Variants in SLC5A10 observed in about 807,000 individuals in gnomAD.
SLC5A10 encodes solute carrier family 5 member 10, also known as sodium/mannose cotransporter SLC5A10.
In SLC5A10, 55 loss-of-function variants were observed where a neutral mutation model predicts 68.9. The ratio of observed to expected loss-of-function variants is 0.80; its 90% CI spans 0.64 to 1.00. SLC5A10 has a LOEUF of 1.00. Ranked by LOEUF, SLC5A10 falls within the 50% of genes least tolerant of loss-of-function variation. SLC5A10 has a pLI of 0.00. For missense variants in SLC5A10, 732 were observed against 819.3 expected, an observed-to-expected ratio of 0.89 and a Z score of 1.30; for synonymous variants, 344 against 344.8, an observed-to-expected ratio of 1.00 and a Z score of 0.02.
At position 19,022,455 on chromosome 17, in the gene SLC5A10, C is replaced by T. The variant is rs2044279483; in HGVS notation, c.*2024C>T. The T allele has an allele frequency of 3.1e-6, 1 of 320,734 alleles. No homozygotes were observed. The highest frequency in any genetic ancestry group is 4.8e-5 in the East Asian group (1 of 20,740). The allele number at this position is 320,734 out of a possible 1,614,324, so 19.9% of individuals were successfully genotyped here. A position where few individuals can be genotyped will look rare whatever the true frequency, so the allele number is the denominator to read the frequency against. ...CTTAGGGTGGGATTTTGGTTAGGTC[C>T]CTGCTTCTCTTGGGATCTTATTTAC... On this transcript the variant is annotated 3_prime_UTR_variant, in exon 15 of 15. Coordinates refer to ENST00000395645, the MANE Select transcript of SLC5A10 (RefSeq NM_001042450.4).
At chr17:18,973,849 C>T (rs953262734) in intron 8 of SLC5A10, among the ~76,000 whole-genome samples, 1 of 151,158 alleles carries the variant, frequency 6.6e-6, no homozygotes, top group African/African-American at 2.4e-5. Flanking sequence ...AGGCATGTGC[C>T]ACCACACTCG....
chr17:19,011,395 TAC>T (rs2152150904), intron 9 of SLC5A10, among the ~76,000 whole-genome samples: 1 of 152,056 alleles, frequency 6.6e-6, no homozygotes, highest in South Asian at 2.1e-4. Context: ...TGTGAGAAAA[TAC>T]AAGCAGGTCA....
At chr17:18,993,830 G>A (rs1160322493) in intron 9 of SLC5A10, among the ~76,000 whole-genome samples, 1 of 152,218 alleles carries the variant, frequency 6.6e-6, no homozygotes, top group Non-Finnish European at 1.5e-5. Context: ...ATGACCTTGG[G>A]CAAGTACCTT....
intron 9 of SLC5A10, among the ~76,000 whole-genome samples, chr17:19,011,870 C>T (rs1039704703): frequency 2.6e-5 from 4 of 151,422 alleles, no homozygotes; most frequent in Non-Finnish European, 5.9e-5. Flanking sequence ...GTGTGAGACC[C>T]GCCCTTCCCC....
chr17:18,975,917 G>C (rs1039629350), intron 8 of SLC5A10: 6 of 152,076 alleles, frequency 3.9e-5, no homozygotes, highest in South Asian at 2.1e-4. Flanking sequence ...GGCTGGGCAC[G>C]GTGGCTCACG....
intron 5 of SLC5A10, among the ~76,000 whole-genome samples, chr17:18,964,163 G>A (rs1333817671): frequency 6.6e-6 from 1 of 152,074 alleles, no homozygotes; most frequent in African/African-American, 2.4e-5. Context: ...GACTCGGAAC[G>A]CCTGCTGGCT....
chr17:19,012,268 C>A (rs1347273091), intron 9 of SLC5A10, among the ~76,000 whole-genome samples: 1 of 152,224 alleles, frequency 6.6e-6, no homozygotes, highest in Non-Finnish European at 1.5e-5. Context: ...TGAGGAGAGC[C>A]CCACACCTCA....
At chr17:18,964,865 G>T (rs113337373) in intron 5 of SLC5A10, among the ~76,000 whole-genome samples, 1 of 152,184 alleles carries the variant, frequency 6.6e-6, no homozygotes, top group Non-Finnish European at 1.5e-5. Context: ...GAACCTGACC[G>T]GGTGCAGTGG....
intron 9 of SLC5A10, among the ~76,000 whole-genome samples, chr17:18,998,566 C>A (rs1302900736): frequency 1.3e-5 from 2 of 152,230 alleles, no homozygotes; most frequent in Non-Finnish European, 2.9e-5. Flanking sequence ...GGGAAGGAGG[C>A]CAGCCCAGTG....
At position 18,971,877 on chromosome 17, in the gene SLC5A10, A is replaced by T. The variant is rs1484026125; in HGVS notation, c.846+659A>T. 4 of 969,054 alleles carry T rather than the reference A, an allele frequency of 4.1e-6. No homozygotes were observed. In the African/African-American group the frequency reaches 6.6e-5, roughly 16 times the overall value. 60.0% of individuals were successfully genotyped at this position (969,054 alleles called of 1,614,324 possible). ...CTCCTGGCTCTGCCATTCACCAGGGAGTGGGCCTAGACCAGTTGGTTTAGT... is the reference window on the plus strand; with the variant it reads ...CTCCTGGCTCTGCCATTCACCAGGGTGTGGGCCTAGACCAGTTGGTTTAGT... On this transcript the variant is annotated intron_variant, in intron 8 of 14. Coordinates refer to ENST00000395645, the MANE Select transcript of SLC5A10 (RefSeq NM_001042450.4). This position sits in a 1 kb window ranked among gnomAD's most constrained non-coding sequence, Gnocchi z 5.5.
At chr17:18,992,253 CCTCT>C (rs2043445595) in intron 9 of SLC5A10, among the ~76,000 whole-genome samples, 1 of 152,200 alleles carries the variant, frequency 6.6e-6, no homozygotes, top group Non-Finnish European at 1.5e-5. Flanking sequence ...CCCCCACCTC[CCTCT>C]GTGTCCTTGG....
intron 9 of SLC5A10, among the ~76,000 whole-genome samples, chr17:19,005,931 G>A (rs879281944): frequency 6.6e-6 from 1 of 152,192 alleles, no homozygotes; most frequent in African/African-American, 2.4e-5. Context: ...CTGCCTTGAG[G>A]GTCCTGAAGA....
At chr17:19,015,228 G>A in intron 11 of SLC5A10, 29 bp downstream of exon 11, 1 of 1,283,586 alleles carries the variant, frequency 7.8e-7, no homozygotes, top group East Asian at 2.4e-5. Flanking sequence ...GTACGGGGGT[G>A]GGGGAACACT....
chr17:19,000,684 T>G lies in SLC5A10; in HGVS notation c.983-12726T>G, dbSNP rs2043708006. Among the ~76,000 whole-genome samples the G allele has an allele frequency of 6.6e-6, 1 of 152,010 alleles. No individual in the cohort carries two copies. The highest frequency in any genetic ancestry group is 2.4e-5 in the African/African-American group (1 of 41,406). On this transcript the variant is annotated intron_variant, in intron 9 of 14. Coordinates refer to ENST00000395645, the MANE Select transcript of SLC5A10 (RefSeq NM_001042450.4). This position sits in a 1 kb window ranked among gnomAD's most constrained non-coding sequence, Gnocchi z 5.2. ...AGCCCCCGGTGGGAAGGGGCCAGTG[T>G]GCGGCAAGGCGGCCCAGGCAGAGGG...
chr17:18,969,229 G>A, intron 6 of SLC5A10, 72 bp downstream of exon 6: 1 of 1,581,898 alleles, frequency 6.3e-7, no homozygotes, highest in Non-Finnish European at 8.6e-7. Flanking sequence ...TCCCCCTACA[G>A]GCCCGAGGGA....
chr17:18,978,900 C>G (rs199927443), intron 9 of SLC5A10: 36 of 1,590,826 alleles, frequency 2.3e-5, no homozygotes, highest in Admixed American at 6.8e-5. Context: ...CTGCTTCCTC[C>G]GCCCAGCCCC....
chr17:19,017,667 CCTGT>C lies in SLC5A10; in HGVS notation c.1242-1751_1242-1748del, dbSNP rs2044169978. The C allele has an allele frequency of 2.3e-6, 1 of 441,862 alleles. No individual in the cohort carries two copies. The highest frequency in any genetic ancestry group is 2.0e-5 in the African/African-American group (1 of 49,962). The allele number at this position is 441,862 out of a possible 1,614,324, so 27.4% of individuals were successfully genotyped here. On this transcript the variant is annotated intron_variant, in intron 11 of 14. Coordinates refer to ENST00000395645, the MANE Select transcript of SLC5A10 (RefSeq NM_001042450.4). The surrounding 1 kb of genome is among the most constrained non-coding windows in gnomAD (Gnocchi z 5.6). Reference sequence around the variant, plus strand: ...CCACTGCCCCCCTGCCCCACTCTCCCCTGTCTGTGTTCCCGGCTGTTCAGTCCGT... The same window carrying C: ...CCACTGCCCCCCTGCCCCACTCTCCCCTGTGTTCCCGGCTGTTCAGTCCGT...
chr17:18,959,707 G>A (rs762270545), intron 4 of SLC5A10, 44 bp downstream of exon 4: 1 of 1,595,022 alleles, frequency 6.3e-7, no homozygotes, highest in East Asian at 2.2e-5. Context: ...CTGGGCCTTG[G>A]TCCAAGTTGG....
intron 9 of SLC5A10, among the ~76,000 whole-genome samples, chr17:18,987,103 G>A (rs919949341): frequency 6.6e-6 from 1 of 152,200 alleles, no homozygotes; most frequent in Non-Finnish European, 1.5e-5. Flanking sequence ...GACAAATGCT[G>A]ACAAATTACA....
Sources: gnomAD v4.1 joint callset for allele counts (sites outside exome capture counted in the v4.1 genomes callset) on GRCh38, gnomAD v4.1.1 for gene constraint, Gnocchi (gnomAD v3.1) non-coding constraint, MANE v1.5 for transcripts, NCBI Gene and HGNC (gene_info 2026-07-23, HGNC 2026-07-21) for gene names.